Variants in EIF4G3 observed in about 807,000 individuals in gnomAD.
EIF4G3 encodes the protein eukaryotic translation initiation factor 4 gamma 3, also known as eIF-4-gamma 3.
Under a neutral mutation model 186.4 loss-of-function variants are expected in EIF4G3, and 34 were observed. That is an observed-to-expected ratio of 0.18 (90% CI 0.14 to 0.24). The LOEUF (loss-of-function observed/expected upper bound fraction) is 0.24, where lower values mean the gene tolerates loss of function less well. Among genes scored for constraint, EIF4G3 ranks in the 10% least tolerant of loss-of-function variants. EIF4G3 has a pLI of 1.00. For synonymous variants in EIF4G3, 673 were observed against 679.5 expected (o/e 0.99, Z 0.15); for missense variants, 1,536 against 1,948.5 (o/e 0.79, Z 3.99).
intron 34 of EIF4G3, among the ~76,000 whole-genome samples, chr1:20,814,368 C>T (rs1287235165): frequency 1.3e-5 from 2 of 152,144 alleles, no homozygotes; most frequent in African/African-American, 4.8e-5. Flanking sequence ...TTTGAATTAG[C>T]AGTATTTACT....
At chr1:20,831,267 G>T (rs978919764) in intron 30 of EIF4G3, among the ~76,000 whole-genome samples, 9 of 138,220 alleles carry the variant, frequency 6.5e-5, no homozygotes, top group Non-Finnish European at 1.2e-4. Flanking sequence ...ATGATTAAAA[G>T]AAAAATATTA....
At chr1:21,080,157 A>C (rs1482097394) in intron 3 of EIF4G3, among the ~76,000 whole-genome samples, 1 of 151,314 alleles carries the variant, frequency 6.6e-6, no homozygotes, top group Non-Finnish European at 1.5e-5. Context: ...ACTAAAAAAA[A>C]AAAAAAAATT....
intron 4 of EIF4G3, among the ~76,000 whole-genome samples, chr1:21,043,333 T>C (rs1446637143): frequency 2.0e-5 from 3 of 152,238 alleles, no homozygotes; most frequent in Non-Finnish European, 4.4e-5. Context: ...CTTGCTGTAA[T>C]AGTGCTGAAT....
intron 2 of EIF4G3, among the ~76,000 whole-genome samples, chr1:21,100,460 CAA>C (rs1183296442): frequency 6.6e-6 from 1 of 152,108 alleles, no homozygotes; most frequent in Non-Finnish European, 1.5e-5. Context: ...CATGGTGAGA[CAA>C]GCATCTTATC....
intron 26 of EIF4G3, among the ~76,000 whole-genome samples, chr1:20,854,577 C>A (rs2074319434): frequency 6.7e-6 from 1 of 149,996 alleles, no homozygotes; most frequent in African/African-American, 2.4e-5. Context: ...TGATGGCGTG[C>A]ACCTGTAGTC....
chr1:21,024,032 G>A (rs1016636171), intron 4 of EIF4G3, among the ~76,000 whole-genome samples: 54 of 145,984 alleles, frequency 3.7e-4, no homozygotes, highest in Non-Finnish European at 7.5e-4. Flanking sequence ...CAACCACCCC[G>A]TCTGAGAAGT....
chr1:20,906,223 G>A (rs887583360), intron 14 of EIF4G3, among the ~76,000 whole-genome samples: 1 of 151,988 alleles, frequency 6.6e-6, no homozygotes, highest in East Asian at 1.9e-4. Flanking sequence ...GGAAACCATG[G>A]GTGGGTTTAA....
chr1:20,884,846 T>C (rs971728459), intron 19 of EIF4G3, among the ~76,000 whole-genome samples: 4 of 152,244 alleles, frequency 2.6e-5, no homozygotes, highest in Admixed American at 1.3e-4. Flanking sequence ...TTACTCTCTC[T>C]AACAGTGGTC....
intron 2 of EIF4G3, among the ~76,000 whole-genome samples, chr1:21,139,376 G>A (rs2097300950): frequency 1.3e-5 from 2 of 152,008 alleles, no homozygotes; most frequent in Admixed American, 6.6e-5. Context: ...AATCGCTTGA[G>A]GCCACGAGTT....
At chr1:20,870,839 C>T (rs2078984778) in intron 20 of EIF4G3, among the ~76,000 whole-genome samples, 2 of 152,176 alleles carry the variant, frequency 1.3e-5, no homozygotes, top group Admixed American at 1.3e-4. Flanking sequence ...TCCAGTTGAA[C>T]TAGCAGAAGC....
chr1:21,151,368 A>G (rs2097547735), intron 2 of EIF4G3, among the ~76,000 whole-genome samples: 1 of 145,200 alleles, frequency 6.9e-6, no homozygotes, highest in Non-Finnish European at 1.5e-5. Context: ...CCTCCCAAGT[A>G]GCTGGGGTTA....
At chr1:21,170,739 A>G (rs752442444) in intron 2 of EIF4G3, among the ~76,000 whole-genome samples, 2 of 152,144 alleles carry the variant, frequency 1.3e-5, no homozygotes, top group African/African-American at 2.4e-5. Context: ...CCGTAATCCC[A>G]GCACTTGGGG....
intron 14 of EIF4G3, chr1:20,941,127 A>G (rs2095695053): frequency 6.8e-6 from 8 of 1,173,174 alleles, no homozygotes; most frequent in African/African-American, 1.6e-5. Flanking sequence ...AGAATTAGGG[A>G]CTATAGACCA....
At position 21,001,309 on chromosome 1, in the gene EIF4G3, T is replaced by C. The variant is rs1012180296; in HGVS notation, c.34A>G (p.Ser12Gly). 2.1e-6 allele frequency: 1 copy of C among 471,122 alleles called. No homozygotes were observed. The highest frequency in any genetic ancestry group is 2.0e-5 in the African/African-American group (1 of 50,078). 29.2% of individuals were successfully genotyped at this position (471,122 alleles called of 1,614,324 possible). The change falls in exon 6 of 37, where the codon AGC (serine) becomes GGC (glycine). Residue 12 changes from serine (S) to glycine (G), a missense_variant. Physicochemically the swap from Ser to Gly is moderately conservative, Grantham distance 56. This residue lies in a region of EIF4G3 where 194 missense variants were observed against 212.8 expected (regional missense o/e 0.91). Transcript: ENST00000602326. ...NSQPQTRSPP[S>G]RTVPIHCTDN... ...GTGCAATGTATTGGCACTGTTCTGC[T>C]GGGCTGTCAAAAAAACTGGTTTAGA...
chr1:20,977,965 A>C (rs542967612), intron 10 of EIF4G3, among the ~76,000 whole-genome samples: 35 of 152,316 alleles, frequency 2.3e-4, no homozygotes, highest in African/African-American at 7.7e-4. Flanking sequence ...AGCAGATTAC[A>C]ATTCAGTAAG....
chr1:20,874,232 T>G lies in EIF4G3; in HGVS notation c.2622+5091A>C, dbSNP rs187812953. 1.5e-3 allele frequency among the ~76,000 whole-genome samples: 230 copies of G among 152,292 alleles called. 3 individuals are homozygous for G. In the East Asian group the frequency reaches 0.04, roughly 26 times the overall value. ...GTAATGGGATTGTTGGGTCAAATGG[T>G]ACTTCTGGTTCTAGATCCTTGAGGA... is the stretch of plus-strand genomic sequence containing the variant. On this transcript the variant is annotated intron_variant, in intron 20 of 36. Transcript: ENST00000602326.
intron 14 of EIF4G3, among the ~76,000 whole-genome samples, chr1:20,923,927 T>C (rs1038572914): frequency 3.3e-5 from 5 of 152,038 alleles, no homozygotes; most frequent in Admixed American, 1.3e-4. Context: ...AAAGGGCCTG[T>C]CACATGGTAG....
intron 12 of EIF4G3, among the ~76,000 whole-genome samples, chr1:20,957,583 A>G (rs978925980): frequency 2.0e-5 from 3 of 152,008 alleles, no homozygotes; most frequent in Non-Finnish European, 2.9e-5. Context: ...TCAAACAAAC[A>G]AACAAAAAAA....
chr1:20,990,665 T>A (rs1397876469), intron 7 of EIF4G3, among the ~76,000 whole-genome samples: 1 of 151,940 alleles, frequency 6.6e-6, no homozygotes, highest in Non-Finnish European at 1.5e-5. Context: ...CAAGACTCCA[T>A]CTCAAAAAAA....
Sources: gnomAD v4.1 joint callset for allele counts (sites outside exome capture counted in the v4.1 genomes callset) on GRCh38, gnomAD v4.1.1 for gene constraint, gnomAD v4.1.1 regional missense constraint, MANE v1.5 for transcripts, NCBI Gene and HGNC (gene_info 2026-07-23, HGNC 2026-07-21) for gene names.